The following PDSS2 variants were observed in gnomAD, a reference collection of about 807,000 sequenced individuals.
PDSS2 encodes decaprenyl diphosphate synthase subunit 2.
PDSS2 carries 31 observed loss-of-function variants against 44.5 expected under a neutral mutation model. The observed-to-expected ratio is 0.70, with a 90% CI of 0.52 to 0.94. The LOEUF is 0.94. Among genes scored for constraint, PDSS2 ranks in the 40% least tolerant of loss-of-function variants. The pLI is 0.00. For synonymous variants in PDSS2, 157 were observed against 180.3 expected, an observed-to-expected ratio of 0.87 and a Z score of 1.03; for missense variants, 452 against 482.2, an observed-to-expected ratio of 0.94 and a Z score of 0.59.
chr6:107,458,873 A>T (rs1782144775), intron 1 of PDSS2, 117 bp downstream of exon 1: 1 of 862,448 alleles, frequency 1.2e-6, no homozygotes, highest in South Asian at 1.5e-5. Flanking sequence ...AGTAAAAAGG[A>T]AGGACTAAAA....
chr6:107,176,419 C>T (rs1031887607), intron 7 of PDSS2, among the ~76,000 whole-genome samples: 4 of 80,228 alleles, frequency 5.0e-5, no homozygotes, highest in South Asian at 5.1e-4. Flanking sequence ...CCTTAACACA[C>T]ACACACACAT....
In PDSS2 at chr6:107,308,681, C is replaced by T. The variant is rs115164212; in HGVS notation, c.431+25517G>A. Among the ~76,000 whole-genome samples, 227 of 152,314 alleles carry T rather than the reference C, an allele frequency of 1.5e-3. 1 individual carries two copies. The highest frequency in any genetic ancestry group is 5.3e-3 in the African/African-American group (220 of 41,564). ...AGTTGTACTTCTCTTAGATGATGAG[C>T]ACTTTAGATTACTGAATGCAAGGAC... On this transcript the variant is annotated intron_variant, in intron 2 of 7. Coordinates refer to ENST00000369037, the MANE Select transcript of PDSS2 (RefSeq NM_020381.4).
chr6:107,224,324 G>T (rs541428169), intron 4 of PDSS2, among the ~76,000 whole-genome samples: 1 of 151,428 alleles, frequency 6.6e-6, no homozygotes, highest in Non-Finnish European at 1.5e-5. Context: ...ATTTAGGAAA[G>T]GATATATCAT....
chr6:107,454,794 A>G (rs1452045098), intron 1 of PDSS2, among the ~76,000 whole-genome samples: 2 of 151,680 alleles, frequency 1.3e-5, no homozygotes, highest in Non-Finnish European at 2.9e-5. Flanking sequence ...TCAAAAAAAT[A>G]AAAATAAAAA....
chr6:107,352,604 T>C (rs970987661), intron 1 of PDSS2, among the ~76,000 whole-genome samples: 1 of 152,142 alleles, frequency 6.6e-6, no homozygotes, highest in Non-Finnish European at 1.5e-5. Context: ...AACATGGTGG[T>C]AGGGGAGACA....
chr6:107,409,875 A>G (rs1201813950), intron 1 of PDSS2, among the ~76,000 whole-genome samples: 2 of 152,234 alleles, frequency 1.3e-5, no homozygotes, highest in African/African-American at 4.8e-5. Flanking sequence ...GGAGATGAAC[A>G]AGGTGCTACC....
chr6:107,338,266 A>C (rs1475428061), intron 1 of PDSS2, among the ~76,000 whole-genome samples: 1 of 152,152 alleles, frequency 6.6e-6, no homozygotes, highest in Admixed American at 6.5e-5. Context: ...CATCTGGAAC[A>C]CTCTAATTTT....
intron 2 of PDSS2, among the ~76,000 whole-genome samples, chr6:107,303,742 A>G (rs1344393090): frequency 1.3e-5 from 2 of 152,180 alleles, no homozygotes; most frequent in Non-Finnish European, 2.9e-5. Context: ...GTCATGTCCT[A>G]TTCTCTATTA....
intron 1 of PDSS2, among the ~76,000 whole-genome samples, chr6:107,446,146 T>C (rs1040550452): frequency 3.3e-5 from 5 of 151,944 alleles, no homozygotes; most frequent in Admixed American, 1.3e-4. Context: ...TGAAACCCCA[T>C]CTCTACTAAA....
chr6:107,210,422 G>A lies in PDSS2; in HGVS notation c.1008+17C>T, dbSNP rs760414222. The A allele has an allele frequency of 4.3e-5, 68 of 1,582,510 alleles. No individual in the cohort carries two copies. The highest frequency in any genetic ancestry group is 1.5e-4 in the Admixed American group (9 of 59,918). ...TAATTACTACTGGTACCTAAAACAG[G>A]AGTAATTTCATTTTACCTCTCCGAT... On this transcript the variant is annotated intron_variant, in intron 6 of 7. Transcript: ENST00000369037.
At chr6:107,282,868 CA>C (rs1241936719) in intron 2 of PDSS2, among the ~76,000 whole-genome samples, 164 of 73,358 alleles carry the variant, frequency 2.2e-3, no homozygotes, top group Admixed American at 3.6e-3. Flanking sequence ...GACTCCGTCT[CA>C]AAAAAAAAAA....
intron 1 of PDSS2, among the ~76,000 whole-genome samples, chr6:107,356,442 G>A (rs1020170654): frequency 6.6e-6 from 1 of 152,178 alleles, no homozygotes; most frequent in Non-Finnish European, 1.5e-5. Flanking sequence ...TTTGGAGAAG[G>A]AGAAGCTCCA....
At position 107,437,525 on chromosome 6, in the gene PDSS2, CAAA is replaced by C. The variant is rs60133518; in HGVS notation, c.296+21462_296+21464del. 7.0e-3 allele frequency among the ~76,000 whole-genome samples: 892 copies of C among 126,664 alleles called. 18 individuals are homozygous for C. The East Asian group carries it at 0.091, about 13-fold the overall frequency. 83.1% of individuals were successfully genotyped at this position (126,664 alleles called of 152,430 possible). ...AGGAGACAGAGTGAGACCCTGTCTC[CAAA>C]AAAAAAAAAAAAAAAAAAAAAAATT... On this transcript the variant is annotated intron_variant, in intron 1 of 7. Transcript: ENST00000369037.
At chr6:107,185,681 T>C (rs1243988804) in intron 7 of PDSS2, among the ~76,000 whole-genome samples, 3 of 152,174 alleles carry the variant, frequency 2.0e-5, no homozygotes, top group African/African-American at 7.2e-5. Flanking sequence ...TTTAGATATA[T>C]ATATATTAGT....
chr6:107,445,188 T>TTATATATATATATATATATA (rs60071847), intron 1 of PDSS2, among the ~76,000 whole-genome samples: 13 of 149,824 alleles, frequency 8.7e-5, no homozygotes, highest in African/African-American at 3.2e-4. Flanking sequence ...ATTACATATT[T>TTATATATATATATATATATA]TATATATATA....
At chr6:107,389,069 G>A (rs1779701367) in intron 1 of PDSS2, among the ~76,000 whole-genome samples, 1 of 152,192 alleles carries the variant, frequency 6.6e-6, no homozygotes, top group African/African-American at 2.4e-5. Flanking sequence ...CAGGGGTTGG[G>A]AGAGTAGAGA....
chr6:107,364,870 T>A (rs1424957880), intron 1 of PDSS2, among the ~76,000 whole-genome samples: 1 of 152,188 alleles, frequency 6.6e-6, no homozygotes, highest in Non-Finnish European at 1.5e-5. Flanking sequence ...AACAATACAA[T>A]TAATGGTTTA....
chr6:107,373,813 T>C (rs543135091), intron 1 of PDSS2, among the ~76,000 whole-genome samples: 18 of 152,320 alleles, frequency 1.2e-4, no homozygotes, highest in Non-Finnish European at 2.2e-4. Flanking sequence ...CTCTGGATTA[T>C]AGATGAAGTA....
At chr6:107,346,044 A>G (rs6937983) in intron 1 of PDSS2, among the ~76,000 whole-genome samples, 58,817 of 152,180 alleles carry the variant, frequency 0.39, 12,323 homozygotes, top group East Asian at 0.66. Context: ...CAGAGCTAGC[A>G]AAGAGGATTA....
Sources: gnomAD v4.1 joint callset for allele counts (sites outside exome capture counted in the v4.1 genomes callset) on GRCh38, gnomAD v4.1.1 for gene constraint, MANE v1.5 for transcripts, NCBI Gene and HGNC (gene_info 2026-07-23, HGNC 2026-07-21) for gene names.